Variants in FOXP2 observed in about 807,000 individuals in gnomAD.
FOXP2 encodes forkhead box P2, also known as forkhead box protein P2.
A neutral mutation model predicts 115.8 loss-of-function variants in FOXP2; 12 were observed. That is an observed-to-expected ratio of 0.10 (90% CI 0.07 to 0.17). The LOEUF is 0.17. Among genes scored for constraint, FOXP2 ranks in the 10% least tolerant of loss-of-function variants. The pLI, the probability that FOXP2 is intolerant of heterozygous loss-of-function variation, is 1.00. For missense variants in FOXP2, 629 were observed against 843.5 expected (o/e 0.75, Z 3.15); for synonymous variants, 328 against 297.7 (o/e 1.10, Z -1.05).
At chr7:114,161,650 G>A (rs1451703307), upstream of FOXP2, among the ~76,000 whole-genome samples, 1 of 149,976 alleles carries the variant, frequency 6.7e-6, no homozygotes, top group Non-Finnish European at 1.5e-5. Context: ...GTGTGTGTGT[G>A]CGTGTATATA....
intron 2 of FOXP2, among the ~76,000 whole-genome samples, chr7:114,434,043 C>G (rs1174960518): frequency 4.0e-5 from 6 of 151,846 alleles, no homozygotes; most frequent in African/African-American, 1.4e-4. Flanking sequence ...TAAGAGACCA[C>G]AAATATACTC....
intron 3 of FOXP2, among the ~76,000 whole-genome samples, chr7:114,623,815 T>A (rs1804383041): frequency 6.6e-6 from 1 of 151,882 alleles, no homozygotes; most frequent in African/African-American, 2.4e-5. Flanking sequence ...TTAAAGGGAA[T>A]CTCTGTGTCT....
chr7:114,692,286 G>A lies in FOXP2; in HGVS notation c.*2360G>A, dbSNP rs746059767. 3 of 453,960 alleles carry A rather than the reference G, an allele frequency of 6.6e-6. No individual in the cohort carries two copies. 28.1% of individuals were successfully genotyped at this position (453,960 alleles called of 1,614,324 possible). On this transcript the variant is annotated 3_prime_UTR_variant, in exon 17 of 17. Coordinates refer to ENST00000350908, the MANE Select transcript of FOXP2 (RefSeq NM_014491.4). ...TACCTCAGTTAGAAAACTTTTGAAAGGAAGTCTCAGCCACAGAATGCATAT... is the reference window on the plus strand; with the variant it reads ...TACCTCAGTTAGAAAACTTTTGAAAAGAAGTCTCAGCCACAGAATGCATAT...
chr7:114,346,801 A>G (rs1008873332), intron 2 of FOXP2, among the ~76,000 whole-genome samples: 1 of 151,722 alleles, frequency 6.6e-6, no homozygotes, highest in Non-Finnish European at 1.5e-5. Context: ...AGGGGAAGGG[A>G]GGGAAGGATA....
chr7:114,325,805 G>T lies in FOXP2; in HGVS notation c.-11+37696G>T, dbSNP rs146712786. Among the ~76,000 whole-genome samples, 823 of 152,012 alleles carry T rather than the reference G, an allele frequency of 5.4e-3. 9 individuals are homozygous for T. Among genetic ancestry groups the T allele is most frequent in the African/African-American group, 0.019 (783 of 41,514 alleles). On this transcript the variant is annotated intron_variant, in intron 2 of 17. Transcript: ENST00000634411. ...GATGTACTTAGCAGCTAAATTAAAG[G>T]AGGCAACATATTCAGTTATCTTATG...
intron 3 of FOXP2, among the ~76,000 whole-genome samples, chr7:114,623,348 C>G (rs918003145): frequency 2.6e-5 from 4 of 151,836 alleles, no homozygotes; most frequent in African/African-American, 9.7e-5. Context: ...GCGATCAAGA[C>G]TGCTAATGCA....
At chr7:114,323,542 G>T (rs1440756028) in intron 2 of FOXP2, among the ~76,000 whole-genome samples, 1 of 152,008 alleles carries the variant, frequency 6.6e-6, no homozygotes, top group African/African-American at 2.4e-5. Flanking sequence ...ATCATTCTAA[G>T]TCAGAGTTAC....
At chr7:114,655,364 C>T (rs1298094370) in intron 10 of FOXP2, among the ~76,000 whole-genome samples, 1 of 152,068 alleles carries the variant, frequency 6.6e-6, no homozygotes, top group African/African-American at 2.4e-5. Context: ...AGCCTATAAT[C>T]CAAAACAGAA....
At chr7:114,531,506 A>T (rs1292957422) in intron 2 of FOXP2, among the ~76,000 whole-genome samples, 1 of 151,876 alleles carries the variant, frequency 6.6e-6, no homozygotes, top group Non-Finnish European at 1.5e-5. Flanking sequence ...CTGGAAATAA[A>T]AATGTCATAT....
At chr7:114,678,036 A>C (rs529391862) in intron 16 of FOXP2, among the ~76,000 whole-genome samples, 6 of 152,224 alleles carry the variant, frequency 3.9e-5, no homozygotes, top group Non-Finnish European at 7.3e-5. Flanking sequence ...CAAATTGTGA[A>C]GTTAACGACT....
At chr7:114,494,783 G>T (rs2129247101) in intron 2 of FOXP2, among the ~76,000 whole-genome samples, 1 of 151,986 alleles carries the variant, frequency 6.6e-6, no homozygotes, top group African/African-American at 2.4e-5. Flanking sequence ...AAATTTATAT[G>T]AAAAAAACGC....
intron 6 of FOXP2, among the ~76,000 whole-genome samples, chr7:114,631,975 G>T (rs1804948091): frequency 6.6e-6 from 1 of 152,138 alleles, no homozygotes; most frequent in Non-Finnish European, 1.5e-5. Context: ...TGATTTATAA[G>T]GGCAACACAA....
intron 2 of FOXP2, among the ~76,000 whole-genome samples, chr7:114,467,211 T>C (rs1316949172): frequency 6.6e-6 from 1 of 152,186 alleles, no homozygotes; most frequent in Non-Finnish European, 1.5e-5. Context: ...TGTTTCTTGT[T>C]ATGCTTGGCT....
chr7:114,097,584 T>C (rs533394698), intron 1 of FOXP2, among the ~76,000 whole-genome samples: 1 of 152,332 alleles, frequency 6.6e-6, no homozygotes, highest in African/African-American at 2.4e-5. Flanking sequence ...GGTGCTTGGC[T>C]TATAAACAAA....
chr7:114,175,226 G>A (rs1220935989), intron 1 of FOXP2, among the ~76,000 whole-genome samples: 2 of 152,028 alleles, frequency 1.3e-5, no homozygotes, highest in Non-Finnish European at 2.9e-5. Context: ...AAAATGGGTG[G>A]TAGCCTCCAA....
upstream of FOXP2, among the ~76,000 whole-genome samples, chr7:114,410,458 T>C (rs535311471): frequency 2.6e-5 from 4 of 152,250 alleles, no homozygotes; most frequent in African/African-American, 9.6e-5. Context: ...AGTCCCACTG[T>C]CTTCATCTGT....
intron 1 of FOXP2, among the ~76,000 whole-genome samples, chr7:114,424,764 T>C (rs1793768713): frequency 6.6e-6 from 1 of 151,598 alleles, no homozygotes; most frequent in South Asian, 2.1e-4. Context: ...TCAAAAATTG[T>C]TTACTATAGT....
chr7:114,503,628 T>C (rs1180383172), intron 2 of FOXP2, among the ~76,000 whole-genome samples: 1 of 150,942 alleles, frequency 6.6e-6, no homozygotes, highest in African/African-American at 2.4e-5. Context: ...AATTATTTAA[T>C]ATAATTTACT....
chr7:114,093,630 CT>C (rs986730199), intron 1 of FOXP2, among the ~76,000 whole-genome samples: 324 of 144,276 alleles, frequency 2.2e-3, no homozygotes, highest in South Asian at 6.4e-3. Context: ...TTACTTTTTA[CT>C]TTTTTTTTTT....
Sources: gnomAD v4.1 joint callset for allele counts (sites outside exome capture counted in the v4.1 genomes callset) on GRCh38, gnomAD v4.1.1 for gene constraint, MANE v1.5 for transcripts, NCBI Gene and HGNC (gene_info 2026-07-23, HGNC 2026-07-21) for gene names.